The following CACNA2D3 variants were observed in gnomAD, a reference collection of about 807,000 sequenced individuals.
The protein encoded by CACNA2D3 is voltage-dependent calcium channel subunit alpha-2/delta-3.
A neutral mutation model predicts 160.6 loss-of-function variants in CACNA2D3; 60 were observed. The observed-to-expected ratio is 0.37, with a 90% CI of 0.30 to 0.46. CACNA2D3 has a LOEUF of 0.46. Among genes scored for constraint, CACNA2D3 ranks in the 20% least tolerant of loss-of-function variants. The pLI is 1.00. For synonymous variants in CACNA2D3, 558 were observed against 492.9 expected (o/e 1.13, Z -1.75); for missense variants, 1,205 against 1,365.0 (o/e 0.88, Z 1.85).
chr3:54,726,300 T>C (rs150226612), intron 11 of CACNA2D3, among the ~76,000 whole-genome samples: 2 of 152,304 alleles, frequency 1.3e-5, no homozygotes, highest in East Asian at 3.9e-4. Context: ...TGCTCATGGT[T>C]AGGAAGAATC....
chr3:54,360,839 A>T lies in CACNA2D3; in HGVS notation c.322-25876A>T, dbSNP rs904648714. 2.6e-5 allele frequency among the ~76,000 whole-genome samples: 4 copies of T among 152,188 alleles called. No homozygotes were observed. In the South Asian group the frequency reaches 8.3e-4, roughly 32 times the overall value. On this transcript the variant is annotated intron_variant, in intron 3 of 37. Transcript: ENST00000474759. ...CAACCCCATCACTCCCAGAAGACAGATTTATATGGTCCAATCAAGACCTGG... is the reference window on the plus strand; with the variant it reads ...CAACCCCATCACTCCCAGAAGACAGTTTTATATGGTCCAATCAAGACCTGG...
chr3:54,643,848 T>C (rs622326), intron 11 of CACNA2D3, among the ~76,000 whole-genome samples: 113,601 of 152,120 alleles, frequency 0.75, 46,036 homozygotes, highest in Non-Finnish European at 0.9. Context: ...TAAGTAAACA[T>C]GAGTAGGGCC....
At chr3:54,809,106 G>C (rs990564262) in intron 13 of CACNA2D3, among the ~76,000 whole-genome samples, 4 of 151,844 alleles carry the variant, frequency 2.6e-5, no homozygotes, top group African/African-American at 9.7e-5. Flanking sequence ...AGGTTCTTAT[G>C]GCTACTAAGT....
chr3:54,271,812 G>A (rs1303138686), intron 2 of CACNA2D3, among the ~76,000 whole-genome samples: 1 of 152,138 alleles, frequency 6.6e-6, no homozygotes, highest in Non-Finnish European at 1.5e-5. Flanking sequence ...GGTGTTTATG[G>A]AGACATCCTT....
intron 2 of CACNA2D3, among the ~76,000 whole-genome samples, chr3:54,221,273 G>T (rs2107377499): frequency 1.3e-5 from 2 of 152,236 alleles, no homozygotes; most frequent in Middle Eastern, 6.8e-3. Context: ...GTGGTGAGAG[G>T]GTGGGATCGT....
intron 25 of CACNA2D3, among the ~76,000 whole-genome samples, chr3:54,895,423 G>T (rs9917738): frequency 0.026 from 3,932 of 152,194 alleles, 163 homozygotes; most frequent in African/African-American, 0.088. Flanking sequence ...GAACCTGGAG[G>T]GTGTCCTCGA....
chr3:54,461,205 A>G (rs1700497755), intron 4 of CACNA2D3, among the ~76,000 whole-genome samples: 1 of 151,994 alleles, frequency 6.6e-6, no homozygotes, highest in South Asian at 2.1e-4. Context: ...TTTTTGCATC[A>G]ATGTTCATCA....
intron 6 of CACNA2D3, among the ~76,000 whole-genome samples, chr3:54,569,330 G>T (rs770885882): frequency 2.0e-5 from 3 of 152,148 alleles, no homozygotes; most frequent in African/African-American, 7.2e-5. Flanking sequence ...ACAGACCCGT[G>T]TATATCCTTA....
At chr3:54,725,593 G>T (rs900469555) in intron 11 of CACNA2D3, among the ~76,000 whole-genome samples, 3 of 152,182 alleles carry the variant, frequency 2.0e-5, no homozygotes, top group Non-Finnish European at 4.4e-5. Context: ...TACCTGGGAT[G>T]CAAGGTTGGT....
chr3:54,527,227 A>G (rs1037424980), intron 5 of CACNA2D3, among the ~76,000 whole-genome samples: 15 of 152,144 alleles, frequency 9.9e-5, no homozygotes, highest in African/African-American at 2.4e-5. Flanking sequence ...TCCCTTCCCA[A>G]TTGTTTTCCA....
At chr3:54,737,182 ATGTGTGTGTGTG>A (rs4025817) in intron 11 of CACNA2D3, among the ~76,000 whole-genome samples, 46 of 147,590 alleles carry the variant, frequency 3.1e-4, no homozygotes, top group South Asian at 1.1e-3. Context: ...CCATGTGTAT[ATGTGTGTGTGTG>A]TGTGTGTGTG....
In CACNA2D3 at chr3:54,333,874, G is replaced by T. The variant is rs114396062; in HGVS notation, c.321+13316G>T. On this transcript the variant is annotated intron_variant, in intron 3 of 37. Transcript: ENST00000474759. ...TCACCTGTTAGTTCTCCAAGCTTGT[G>T]TCCCATTGGGTCTCACCTCTCTGAG... 1.6e-3 allele frequency among the ~76,000 whole-genome samples: 238 copies of T among 152,332 alleles called. 2 individuals are homozygous for T. Among genetic ancestry groups the T allele is most frequent in the Non-Finnish European group, 2.2e-3 (147 of 68,020 alleles).
chr3:54,523,732 G>A lies in CACNA2D3; in HGVS notation c.544+20078G>A, dbSNP rs529231033. On this transcript the variant is annotated intron_variant, in intron 5 of 37. Coordinates refer to ENST00000474759, the MANE Select transcript of CACNA2D3 (RefSeq NM_018398.3). ...TCTATTTCTTTTTGGGTCACTTTTC[G>A]TGGTTTGTGTCTTTGTAGGAATTTG... Among the ~76,000 whole-genome samples, 19 of 151,990 alleles carry A rather than the reference G, an allele frequency of 1.3e-4. No individual in the cohort carries two copies. In the East Asian group the frequency reaches 2.7e-3, roughly 22 times the overall value.
At chr3:54,601,488 A>G (rs1415494845) in intron 9 of CACNA2D3, among the ~76,000 whole-genome samples, 2 of 152,116 alleles carry the variant, frequency 1.3e-5, no homozygotes, top group Non-Finnish European at 2.9e-5. Context: ...GATTATAGGC[A>G]TGAGCCACCA....
intron 4 of CACNA2D3, among the ~76,000 whole-genome samples, chr3:54,500,586 C>T (rs948839701): frequency 7.5e-6 from 1 of 132,520 alleles, no homozygotes; most frequent in Admixed American, 7.8e-5. Context: ...TCATTCCTTT[C>T]TTTCTTTCTC....
At chr3:54,659,048 T>C (rs1396433536) in intron 11 of CACNA2D3, among the ~76,000 whole-genome samples, 2 of 152,200 alleles carry the variant, frequency 1.3e-5, no homozygotes, top group African/African-American at 2.4e-5. Flanking sequence ...GCTTAGGTAC[T>C]ACTTTTTCAA....
At chr3:54,813,542 G>T (rs1703379697) in intron 13 of CACNA2D3, among the ~76,000 whole-genome samples, 1 of 152,140 alleles carries the variant, frequency 6.6e-6, no homozygotes, top group South Asian at 2.1e-4. Flanking sequence ...GATTAACATG[G>T]TGGTGGGGGG....
intron 27 of CACNA2D3, among the ~76,000 whole-genome samples, chr3:54,934,015 C>T (rs1468501644): frequency 6.6e-6 from 1 of 152,180 alleles, no homozygotes; most frequent in Non-Finnish European, 1.5e-5. Context: ...GGGTGGTCCA[C>T]CTGCCTCGGC....
intron 35 of CACNA2D3, among the ~76,000 whole-genome samples, chr3:55,026,931 G>C (rs964615715): frequency 7.2e-5 from 11 of 152,196 alleles, no homozygotes; most frequent in Non-Finnish European, 1.3e-4. Flanking sequence ...TCCTCATTCA[G>C]ACAGCCATTT....
Sources: allele counts gnomAD v4.1 joint callset (sites outside exome capture counted in the v4.1 genomes callset), GRCh38; gene constraint gnomAD v4.1.1; transcripts MANE v1.5; gene names NCBI Gene and HGNC (gene_info 2026-07-23, HGNC 2026-07-21).